Variants in FBLN7 observed in about 807,000 individuals in gnomAD.
FBLN7 encodes fibulin 7.
In FBLN7, 31 loss-of-function variants were observed where a neutral mutation model predicts 44.0. That is an observed-to-expected ratio of 0.70 (90% CI 0.53 to 0.95). The LOEUF (loss-of-function observed/expected upper bound fraction) is 0.95. FBLN7 is among the 40% of genes least tolerant of loss of function. FBLN7 has a pLI of 0.00. For synonymous variants in FBLN7, 262 were observed against 253.4 expected (o/e 1.03, Z -0.32); for missense variants, 573 against 618.5 (o/e 0.93, Z 0.78).
chr2:112,205,068 T>C, the FBLN7 span, among the ~76,000 whole-genome samples: 3 of 152,090 alleles, frequency 2.0e-5, no homozygotes, highest in Non-Finnish European at 2.9e-5. Context: ...AAAAAAGCCA[T>C]ATTGGAACAG....
In FBLN7 at chr2:112,182,881, C is replaced by T. The variant is rs760028458; in HGVS notation, c.761C>T (p.Thr254Ile). ...CVNTPGSYRC[T>I]CPGGYRTLAD... ...AACACCCCGGGCTCTTACCGTTGCA[C>T]CTGCCCCGGTGGATACCGAACTCTG... is the stretch of plus-strand genomic sequence containing the variant. The change falls in exon 6 of 8, where the codon ACC becomes ATC. Residue 254 changes from threonine (T) to isoleucine (I), a missense_variant. Transcript: ENST00000331203. 4.3e-6 allele frequency: 7 copies of T among 1,613,080 alleles called. No individual in the cohort carries two copies. The highest frequency in any genetic ancestry group is 5.9e-6 in the Non-Finnish European group (7 of 1,179,878).
Position 112,187,332 on chromosome 2 carries a change from C to T in FBLN7, c.1146C>T (p.Gly382=). 6.2e-7 allele frequency: 1 copy of T among 1,614,154 alleles called. No individual in the cohort carries two copies. The highest frequency in any genetic ancestry group is 8.5e-7 in the Non-Finnish European group (1 of 1,180,036). Residue 382 remains glycine (G), a synonymous_variant, in exon 8 of 8, where the codon GGC becomes GGT. Coordinates refer to ENST00000331203, the MANE Select transcript of FBLN7 (RefSeq NM_153214.3). This position sits in a 1 kb window ranked among gnomAD's most constrained non-coding sequence, Gnocchi z 5.1. ...RFGIVGGNSR[G]HFVMQRSDRQ... ...GGATCGTGGGTGGGAACAGCCGCGG[C>T]CACTTTGTGATGCAGCGTTCAGACC...
chr2:112,178,268 A>C (rs1682824485), intron 4 of FBLN7, among the ~76,000 whole-genome samples: 1 of 149,688 alleles, frequency 6.7e-6, no homozygotes, highest in South Asian at 2.1e-4. Flanking sequence ...AAAAAAAAAA[A>C]CCAAAAGAAA....
chr2:112,201,600 G>A, the FBLN7 span, among the ~76,000 whole-genome samples: 1 of 152,150 alleles, frequency 6.6e-6, no homozygotes. Flanking sequence ...AGGCAGTCCA[G>A]AGTGGCAGGA....
At chr2:112,174,049 C>T (rs941207066) in intron 3 of FBLN7, among the ~76,000 whole-genome samples, 3 of 152,238 alleles carry the variant, frequency 2.0e-5, no homozygotes, top group African/African-American at 7.2e-5. Flanking sequence ...AAAGGAGAGA[C>T]CACAGCACTG....
intron 3 of FBLN7, among the ~76,000 whole-genome samples, chr2:112,170,916 G>T (rs2104584023): frequency 6.6e-6 from 1 of 152,368 alleles, no homozygotes; most frequent in East Asian, 1.9e-4. Context: ...GGAATTTGCT[G>T]CCATCCCATG....
intron 1 of FBLN7, among the ~76,000 whole-genome samples, chr2:112,139,112 T>C (rs1573749242): frequency 1.9e-5 from 1 of 51,906 alleles, no homozygotes; most frequent in African/African-American, 9.2e-5. Flanking sequence ...CCCTCCCGCC[T>C]CTCTCCAGGC....
At chr2:112,175,908 C>A in intron 4 of FBLN7, 69 bp downstream of exon 4, 1 of 1,566,014 alleles carries the variant, frequency 6.4e-7, no homozygotes. Context: ...AGGCATAGGT[C>A]CCCAAATGCA....
the FBLN7 span, among the ~76,000 whole-genome samples, chr2:112,243,646 ATCAG>A: frequency 6.6e-6 from 1 of 152,212 alleles, no homozygotes; most frequent in Non-Finnish European, 1.5e-5. Flanking sequence ...ACTGAAGTCT[ATCAG>A]TCAAAGGCTG....
At chr2:112,164,917 A>AT (rs1682063997) in intron 2 of FBLN7, 84 bp from the exon 3 acceptor site, 1 of 1,475,392 alleles carries the variant, frequency 6.8e-7, no homozygotes, top group Admixed American at 1.9e-5. Flanking sequence ...GGGCACTTCG[A>AT]GATGGGAAGT....
At chr2:112,170,138 A>G (rs1240675946) in intron 3 of FBLN7, among the ~76,000 whole-genome samples, 1 of 152,072 alleles carries the variant, frequency 6.6e-6, no homozygotes, top group Non-Finnish European at 1.5e-5. Flanking sequence ...GCTACTTGGG[A>G]GGCTGAGGCA....
chr2:112,172,157 A>G (rs1391749043), intron 3 of FBLN7, among the ~76,000 whole-genome samples: 1 of 152,238 alleles, frequency 6.6e-6, no homozygotes, highest in Non-Finnish European at 1.5e-5. Flanking sequence ...TTAACACAGC[A>G]AATTCCTTAA....
chr2:112,237,445 C>T, the FBLN7 span, among the ~76,000 whole-genome samples: 3 of 152,088 alleles, frequency 2.0e-5, no homozygotes, highest in African/African-American at 4.8e-5. Flanking sequence ...TTTATCTATC[C>T]GTGCACGCAT....
At chr2:112,161,288 T>G (rs570001659) in intron 2 of FBLN7, among the ~76,000 whole-genome samples, 57 of 152,302 alleles carry the variant, frequency 3.7e-4, no homozygotes, top group African/African-American at 1.3e-3. Flanking sequence ...TGAGTTGAAG[T>G]TTCCTGGGGA....
Position 112,165,170 on chromosome 2 carries a change from A to G in FBLN7, c.405A>G (p.Arg135=), listed in dbSNP as rs759075121. 22 of 1,613,688 alleles carry G rather than the reference A, an allele frequency of 1.4e-5. No homozygotes were observed. The highest frequency in any genetic ancestry group is 1.8e-5 in the Non-Finnish European group (21 of 1,179,852). ...GGACAGGGGAGCAGCCCCACTGTAG[A>G]GGTATCGTCTCTCCTTCCCATCCCA... ...GTWTGEQPHC[R]GISECSSQPC... is the part of the protein sequence containing the mutation. Residue 135 remains arginine (R), a splice_region_variant and synonymous_variant, in exon 3 of 8, where the codon AGA becomes AGG. Transcript: ENST00000331203.
chr2:112,164,594 G>A (rs1022873216), intron 2 of FBLN7, among the ~76,000 whole-genome samples: 8 of 152,260 alleles, frequency 5.3e-5, no homozygotes, highest in African/African-American at 1.9e-4. Context: ...CAGGCAGAGA[G>A]AAGAGCAAAA....
chr2:112,184,685 G>GTATATATGGTATATATATGTATATGGTA (rs748691876), intron 6 of FBLN7, among the ~76,000 whole-genome samples: 74,287 of 144,480 alleles, frequency 0.51, 19,464 homozygotes, highest in African/African-American at 0.6. Flanking sequence ...TGTATATGGT[G>GTATATATGGTATATATATGTATATGGTA]TATATATGGT....
At chr2:112,171,846 A>G (rs988451083) in intron 3 of FBLN7, among the ~76,000 whole-genome samples, 1 of 152,170 alleles carries the variant, frequency 6.6e-6, no homozygotes, top group East Asian at 1.9e-4. Flanking sequence ...TCCTGGGTTC[A>G]TGCCATTCTC....
the FBLN7 span, chr2:112,234,277 A>C: frequency 1.4e-6 from 2 of 1,391,980 alleles, no homozygotes; most frequent in Middle Eastern, 1.8e-4. Context: ...TAAGAAACAG[A>C]AAATTAAATA....
Sources: allele counts gnomAD v4.1 joint callset (sites outside exome capture counted in the v4.1 genomes callset), GRCh38; gene constraint gnomAD v4.1.1; non-coding constraint Gnocchi (gnomAD v3.1); transcripts MANE v1.5; gene names NCBI Gene and HGNC (gene_info 2026-07-23, HGNC 2026-07-21).